SLC35F1: variants seen among roughly 807,000 people sequenced by gnomAD.
SLC35F1 encodes the protein chromosome 6 open reading frame 169.
Under a neutral mutation model 48.7 loss-of-function variants are expected in SLC35F1, and 14 were observed. That is an observed-to-expected ratio of 0.29 (90% CI 0.19 to 0.45). The LOEUF (loss-of-function observed/expected upper bound fraction) is 0.45. Ranked by LOEUF, SLC35F1 falls within the 20% of genes least tolerant of loss-of-function variation. SLC35F1 has a pLI of 1.00. For missense variants in SLC35F1, 404 were observed against 500.0 expected (o/e 0.81, Z 1.83); for synonymous variants, 190 against 202.2 (o/e 0.94, Z 0.51).
intron 1 of SLC35F1, among the ~76,000 whole-genome samples, chr6:117,952,807 A>G (rs1776381278): frequency 6.6e-6 from 1 of 152,248 alleles, no homozygotes; most frequent in African/African-American, 2.4e-5. Context: ...CCCTGTGTTT[A>G]TAATTTTTAG....
chr6:118,102,080 A>G (rs1442710684), intron 1 of SLC35F1, among the ~76,000 whole-genome samples: 2 of 152,238 alleles, frequency 1.3e-5, no homozygotes, highest in Non-Finnish European at 2.9e-5. Context: ...TATGATGGCC[A>G]TGGCAGCTTT....
intron 1 of SLC35F1, among the ~76,000 whole-genome samples, chr6:117,914,086 C>CTATCTATA (rs1326585001): frequency 3.7e-5 from 1 of 27,028 alleles, no homozygotes; most frequent in East Asian, 1.0e-3. Context: ...CAAAAGAATC[C>CTATCTATA]TATCTATCTA....
intron 1 of SLC35F1, among the ~76,000 whole-genome samples, chr6:117,999,803 A>G (rs1339281442): frequency 1.3e-5 from 2 of 151,944 alleles, no homozygotes; most frequent in Non-Finnish European, 2.9e-5. Flanking sequence ...AACTACCATC[A>G]GAGAATACTA....
chr6:118,188,321 G>A (rs752524047), intron 2 of SLC35F1, among the ~76,000 whole-genome samples: 10 of 152,124 alleles, frequency 6.6e-5, no homozygotes, highest in South Asian at 2.1e-4. Flanking sequence ...AGGTGGAGGC[G>A]GGTGGATCAC....
chr6:117,913,444 C>T (rs894257174), intron 1 of SLC35F1, among the ~76,000 whole-genome samples: 2 of 152,130 alleles, frequency 1.3e-5, no homozygotes, highest in Admixed American at 6.6e-5. Context: ...TTAGAATGAA[C>T]GTTGTAATTC....
intron 2 of SLC35F1, among the ~76,000 whole-genome samples, chr6:118,219,208 GA>G (rs1385304660): frequency 2.0e-5 from 3 of 152,164 alleles, no homozygotes; most frequent in African/African-American, 7.2e-5. Context: ...GATAAAAATA[GA>G]GACCTTAAGT....
Position 117,941,738 on chromosome 6 carries a change from A to T in SLC35F1, c.173+33839A>T, listed in dbSNP as rs932419258. On this transcript the variant is annotated intron_variant, in intron 1 of 7. Coordinates refer to ENST00000360388, the MANE Select transcript of SLC35F1 (RefSeq NM_001029858.4). ...TTGTTCAAGTATCACTAAAAATTTGAGCCTATATTTAAACACCATTTATAT... is the reference window on the plus strand; with the variant it reads ...TTGTTCAAGTATCACTAAAAATTTGTGCCTATATTTAAACACCATTTATAT... Among the ~76,000 whole-genome samples, 3 of 152,332 alleles carry T rather than the reference A, an allele frequency of 2.0e-5. No homozygotes were observed. In the East Asian group the frequency reaches 5.8e-4, roughly 29 times the overall value.
chr6:117,999,098 A>G lies in SLC35F1; in HGVS notation c.173+91199A>G. On this transcript the variant is annotated intron_variant, in intron 1 of 7. Coordinates refer to ENST00000360388, the MANE Select transcript of SLC35F1 (RefSeq NM_001029858.4). ...GGGGGTGGACCCCAAGTTCCTGAGG[A>G]ACATGCGCTTTGCCAAGAAGCACAA... 1.9e-6 allele frequency: 3 copies of G among 1,557,264 alleles called. No individual in the cohort carries two copies. The Admixed American group carries it at 5.0e-5, about 26-fold the overall frequency.
At chr6:118,217,771 A>G (rs1305072089) in intron 2 of SLC35F1, among the ~76,000 whole-genome samples, 1 of 152,194 alleles carries the variant, frequency 6.6e-6, no homozygotes, top group Admixed American at 6.5e-5. Flanking sequence ...CAAAAATATA[A>G]AAGTGTCATT....
chr6:118,126,943 T>C (rs572932209), intron 1 of SLC35F1, among the ~76,000 whole-genome samples: 1 of 152,302 alleles, frequency 6.6e-6, no homozygotes, highest in African/African-American at 2.4e-5. Context: ...ACAATTTGAC[T>C]TCCTCTTTCC....
chr6:117,972,061 A>G (rs1045812746), intron 1 of SLC35F1, among the ~76,000 whole-genome samples: 2 of 152,186 alleles, frequency 1.3e-5, no homozygotes, highest in African/African-American at 4.8e-5. Context: ...CCAAACTTTC[A>G]TGCTCTGCTT....
At chr6:118,219,935 T>G (rs6569007) in intron 2 of SLC35F1, among the ~76,000 whole-genome samples, 141,789 of 152,104 alleles carry the variant, frequency 0.93, 66,156 homozygotes, top group East Asian at 0.98. Flanking sequence ...ACCAAACACC[T>G]CATGTTCTCA....
intron 1 of SLC35F1, among the ~76,000 whole-genome samples, chr6:118,019,512 C>G (rs1474700290): frequency 2.0e-5 from 3 of 152,030 alleles, no homozygotes; most frequent in African/African-American, 7.2e-5. Flanking sequence ...GTCGCAGCTA[C>G]TGGGAAGGCT....
intron 1 of SLC35F1, among the ~76,000 whole-genome samples, chr6:118,006,179 C>A (rs1777172078): frequency 1.3e-5 from 2 of 152,020 alleles, no homozygotes; most frequent in East Asian, 3.9e-4. Flanking sequence ...TGCTTCTTTG[C>A]ATTCATAAAG....
chr6:118,059,996 T>G (rs895332778), intron 1 of SLC35F1, among the ~76,000 whole-genome samples: 14 of 152,302 alleles, frequency 9.2e-5, no homozygotes, highest in African/African-American at 3.4e-4. Context: ...CAAAGAGAAG[T>G]TAAGTATATA....
intron 3 of SLC35F1, among the ~76,000 whole-genome samples, chr6:118,252,966 TTA>T (rs1320163429): frequency 1.3e-5 from 2 of 151,866 alleles, no homozygotes; most frequent in Non-Finnish European, 2.9e-5. Flanking sequence ...CAAAGATGAG[TTA>T]TGTTTGAGCC....
In SLC35F1 at chr6:118,315,273, C is replaced by G. The variant is rs1413887742; in HGVS notation, c.*1021C>G. The G allele has an allele frequency of 6.6e-6, 1 of 152,480 alleles. No individual in the cohort carries two copies. The highest frequency in any genetic ancestry group is 1.5e-5 in the Non-Finnish European group (1 of 68,012). 9.4% of individuals were successfully genotyped at this position (152,480 alleles called of 1,614,324 possible). ...TTATTGTGGAAAATCATTGGTTGTG[C>G]CACCTCCTAACAAAGTCAAGGTGCT... On this transcript the variant is annotated 3_prime_UTR_variant, in exon 8 of 8. Transcript: ENST00000360388.
At chr6:118,215,674 T>G (rs1490027409) in intron 2 of SLC35F1, among the ~76,000 whole-genome samples, 1 of 152,244 alleles carries the variant, frequency 6.6e-6, no homozygotes, top group East Asian at 1.9e-4. Context: ...CTTTTATTAA[T>G]GTAAAATGGC....
intron 1 of SLC35F1, among the ~76,000 whole-genome samples, chr6:117,986,756 A>G (rs981629034): frequency 2.0e-5 from 3 of 152,180 alleles, no homozygotes; most frequent in African/African-American, 7.2e-5. Flanking sequence ...TCACTTGTTA[A>G]ATGTGACAGC....
Sources: allele counts gnomAD v4.1 joint callset (sites outside exome capture counted in the v4.1 genomes callset), GRCh38; gene constraint gnomAD v4.1.1; transcripts MANE v1.5; gene names NCBI Gene and HGNC (gene_info 2026-07-23, HGNC 2026-07-21).